PADI1: variants seen among roughly 807,000 people sequenced by gnomAD.
PADI1 encodes peptidyl arginine deiminase 1, also known as protein-arginine deiminase type-1.
In PADI1, 65 loss-of-function variants were observed where a neutral mutation model predicts 74.8. The observed-to-expected ratio is 0.87, with a 90% CI of 0.71 to 1.07. PADI1 has a LOEUF of 1.07. Ranked by LOEUF, PADI1 falls within the 50% of genes least tolerant of loss-of-function variation. PADI1 has a pLI of 0.00. For synonymous variants in PADI1, 371 were observed against 336.2 expected (o/e 1.10, Z -1.13); for missense variants, 943 against 854.0 (o/e 1.10, Z -1.30).
At chr1:17,219,717 T>C (rs1014707214) in intron 1 of PADI1, among the ~76,000 whole-genome samples, 1 of 151,832 alleles carries the variant, frequency 6.6e-6, no homozygotes, top group African/African-American at 2.4e-5. Context: ...GAAATGTCAA[T>C]GCAAAGCTGG....
chr1:17,226,299 T>C, intron 6 of PADI1, 141 bp downstream of exon 6: 1 of 900,132 alleles, frequency 1.1e-6, no homozygotes, highest in Non-Finnish European at 1.7e-6. Context: ...GTACCAAATA[T>C]AGTCCTCAAG....
rs2100525212 is a variant in PADI1, at chr1:17,238,683, G to T, written c.1526G>T (p.Gly509Val). ...LKLFQEKKEEGYGEAAQFDGL... is the reference protein window; with the variant it reads ...LKLFQEKKEEVYGEAAQFDGL... ...CTCTTCCAAGAGAAGAAAGAAGAGG[G>T]TTATGGGGAGGCAGCCCAGTTTGAT... Residue 509 changes from glycine (G) to valine (V), a missense_variant, in exon 13 of 16, where the codon GGT becomes GTT. Physicochemically the swap from Gly to Val is moderately radical, Grantham distance 109. Coordinates refer to ENST00000375471, the MANE Select transcript of PADI1 (RefSeq NM_013358.3). 1.3e-6 allele frequency: 2 copies of T among 1,544,798 alleles called. No homozygotes were observed. The highest frequency in any genetic ancestry group is 1.8e-6 in the Non-Finnish European group (2 of 1,137,984).
At chr1:17,206,122 C>T (rs1310618123) in intron 1 of PADI1, among the ~76,000 whole-genome samples, 2 of 152,206 alleles carry the variant, frequency 1.3e-5, no homozygotes, top group African/African-American at 4.8e-5. Flanking sequence ...CTATGGATTC[C>T]ATCCCTGCTG....
intron 1 of PADI1, among the ~76,000 whole-genome samples, chr1:17,215,350 A>T (rs1315614461): frequency 6.6e-6 from 1 of 152,062 alleles, no homozygotes; most frequent in East Asian, 1.9e-4. Context: ...CCCCAGAGAA[A>T]TTGTACCTGT....
intron 1 of PADI1, among the ~76,000 whole-genome samples, chr1:17,208,082 T>A (rs533556466): frequency 1.3e-5 from 2 of 152,324 alleles, no homozygotes; most frequent in East Asian, 3.9e-4. Flanking sequence ...CTTCACCCAG[T>A]GTCTGACTCT....
At chr1:17,238,517 TCCC>T in intron 12 of PADI1, 96 bp from the exon 13 acceptor site, 2 of 482,206 alleles carry the variant, frequency 4.1e-6, no homozygotes, top group Non-Finnish European at 7.1e-6. Context: ...GAGAGGGGAG[TCCC>T]AAGAACTGTC....
chr1:17,221,728 G>A (rs935072335), intron 1 of PADI1, among the ~76,000 whole-genome samples: 4 of 152,190 alleles, frequency 2.6e-5, no homozygotes, highest in African/African-American at 4.8e-5. Context: ...GAAGGCCAGC[G>A]TGGCTGGAGC....
At chr1:17,220,494 T>G (rs186957666) in intron 1 of PADI1, among the ~76,000 whole-genome samples, 47 of 152,102 alleles carry the variant, frequency 3.1e-4, no homozygotes, top group African/African-American at 1.1e-3. Flanking sequence ...TATTAACAAG[T>G]GTTTATTGAG....
intron 1 of PADI1, among the ~76,000 whole-genome samples, chr1:17,206,457 C>T (rs1015734171): frequency 1.6e-4 from 25 of 152,150 alleles, no homozygotes; most frequent in African/African-American, 4.3e-4. Context: ...CTGGGAGCCC[C>T]GCTGTGGGGG....
In PADI1 at chr1:17,228,673, T is replaced by G; in HGVS notation, c.701T>G (p.Leu234Arg). The change falls in exon 7 of 16, where the codon CTG becomes CGG. Residue 234 changes from leucine to arginine, a missense_variant. Transcript: ENST00000375471. ...AAACAGGTGCTGGGGCCCCAGTGTCTGTCCTATGAAGTTGAGCGACAGCCA... is the reference window on the plus strand; with the variant it reads ...AAACAGGTGCTGGGGCCCCAGTGTCGGTCCTATGAAGTTGAGCGACAGCCA... ...DYKQVLGPQCLSYEVERQPGE... is the reference protein window; with the variant it reads ...DYKQVLGPQCRSYEVERQPGE... The G allele has an allele frequency of 6.2e-7, 1 of 1,614,178 alleles. No individual in the cohort carries two copies. Among genetic ancestry groups the G allele is most frequent in the Non-Finnish European group, 8.5e-7 (1 of 1,180,020 alleles).
chr1:17,232,138 G>A (rs996597440), intron 10 of PADI1, among the ~76,000 whole-genome samples: 1 of 152,046 alleles, frequency 6.6e-6, no homozygotes, highest in African/African-American at 2.4e-5. Flanking sequence ...AGTAGAGATG[G>A]GGTTTCACCA....
intron 9 of PADI1, among the ~76,000 whole-genome samples, 181 bp downstream of exon 9, chr1:17,230,389 C>T (rs976802217): frequency 6.6e-6 from 1 of 152,218 alleles, no homozygotes; most frequent in Non-Finnish European, 1.5e-5. Context: ...TCCAAACGCT[C>T]TGGTCCCAGA....
intron 1 of PADI1, among the ~76,000 whole-genome samples, chr1:17,215,342 C>T (rs1365835276): frequency 1.3e-5 from 2 of 151,960 alleles, no homozygotes; most frequent in Non-Finnish European, 2.9e-5. Context: ...CTTGATAGCC[C>T]CAGAGAAATT....
chr1:17,230,325 C>T, intron 9 of PADI1, 117 bp downstream of exon 9: 1 of 1,313,332 alleles, frequency 7.6e-7, no homozygotes, highest in Admixed American at 2.4e-5. Flanking sequence ...GGCCAGGCCT[C>T]TGGGGCGAGG....
intron 8 of PADI1, 113 bp from the exon 9 acceptor site, chr1:17,229,972 T>C: frequency 1.0e-6 from 1 of 971,808 alleles, no homozygotes; most frequent in Admixed American, 2.3e-5. Flanking sequence ...GGTCATGAAC[T>C]GGAACCCCTG....
At chr1:17,220,408 C>T (rs2072107300) in intron 1 of PADI1, among the ~76,000 whole-genome samples, 1 of 151,966 alleles carries the variant, frequency 6.6e-6, no homozygotes, top group Admixed American at 6.6e-5. Context: ...TTTAGGGGTC[C>T]AGGAAAGGAT....
intron 11 of PADI1, among the ~76,000 whole-genome samples, chr1:17,235,070 T>C (rs1247014151): frequency 1.4e-5 from 2 of 144,876 alleles, no homozygotes; most frequent in African/African-American, 5.2e-5. Flanking sequence ...TGAGCTAAGA[T>C]CAAGCCACTG....
intron 2 of PADI1, among the ~76,000 whole-genome samples, chr1:17,223,252 T>C (rs1389940870): frequency 6.6e-6 from 1 of 152,260 alleles, no homozygotes; most frequent in East Asian, 1.9e-4. Context: ...TCCCATCTTA[T>C]TGAGGAACTA....
At chr1:17,231,400 G>T (rs974891047) in intron 10 of PADI1, among the ~76,000 whole-genome samples, 1 of 152,158 alleles carries the variant, frequency 6.6e-6, no homozygotes, top group South Asian at 2.1e-4. Flanking sequence ...ACTACCCCTC[G>T]AGGTGAGTCC....
Sources: gnomAD v4.1 joint callset for allele counts (sites outside exome capture counted in the v4.1 genomes callset) on GRCh38, gnomAD v4.1.1 for gene constraint, MANE v1.5 for transcripts, NCBI Gene and HGNC (gene_info 2026-07-23, HGNC 2026-07-21) for gene names.